The following SPOCK1 variants were observed in gnomAD, a reference collection of about 807,000 sequenced individuals.
SPOCK1 encodes the protein testican-1.
In SPOCK1, 23 loss-of-function variants were observed where a neutral mutation model predicts 55.3. The ratio of observed to expected loss-of-function variants is 0.42; its 90% CI spans 0.30 to 0.59. The LOEUF is 0.59. Ranked by LOEUF, SPOCK1 falls within the 20% of genes least tolerant of loss-of-function variation. The pLI is 0.22. For missense variants in SPOCK1, 499 were observed against 552.5 expected (o/e 0.90, Z 0.97); for synonymous variants, 226 against 221.0 (o/e 1.02, Z -0.20).
chr5:137,317,996 AT>A (rs1757912489), intron 2 of SPOCK1, among the ~76,000 whole-genome samples: 1 of 152,176 alleles, frequency 6.6e-6, no homozygotes, highest in African/African-American at 2.4e-5. Context: ...TAATTTGATT[AT>A]TTAAAAAGTC....
In SPOCK1 at chr5:137,419,024, G is replaced by T. The variant is rs551436442; in HGVS notation, c.186+79349C>A. On this transcript the variant is annotated intron_variant, in intron 2 of 10. Transcript: ENST00000394945. Reference sequence around the variant, plus strand: ...AGTTTCAGCTTTCTACATATGGCTAGCCAGTTTTCCCAGCACCATTTATTA... The same window carrying T: ...AGTTTCAGCTTTCTACATATGGCTATCCAGTTTTCCCAGCACCATTTATTA... 1.3e-3 allele frequency among the ~76,000 whole-genome samples: 201 copies of T among 152,268 alleles called. 3 individuals carry two copies. The highest frequency in any genetic ancestry group is 4.5e-3 in the African/African-American group (188 of 41,534).
At position 137,175,190 on chromosome 5, in the gene SPOCK1, G is replaced by A. The variant is rs947006112; in HGVS notation, c.233-34496C>T. On this transcript the variant is annotated intron_variant, in intron 3 of 10. Transcript: ENST00000394945. ...ACCTGCACCAGGCATGAAGCCTTGT[G>A]GAAAAGAGGGTGTTAGGAGTGGGCC... Among the ~76,000 whole-genome samples the A allele has an allele frequency of 2.6e-5, 4 of 152,260 alleles. No individual in the cohort carries two copies. In the South Asian group the frequency reaches 6.2e-4, roughly 24 times the overall value.
chr5:137,267,116 A>T, intron 2 of SPOCK1, 61 bp from the exon 3 acceptor site: 1 of 1,407,886 alleles, frequency 7.1e-7, no homozygotes, highest in Non-Finnish European at 1.0e-6. Flanking sequence ...ACATAACTGC[A>T]TAAAAACCTG....
intron 5 of SPOCK1, among the ~76,000 whole-genome samples, chr5:137,098,725 C>T (rs894743042): frequency 6.6e-6 from 1 of 152,230 alleles, no homozygotes; most frequent in Non-Finnish European, 1.5e-5. Context: ...CTTCCCTCAC[C>T]TGCACTGACC....
chr5:137,171,341 G>C (rs1402394356), intron 3 of SPOCK1, among the ~76,000 whole-genome samples: 1 of 152,116 alleles, frequency 6.6e-6, no homozygotes, highest in East Asian at 1.9e-4. Flanking sequence ...CTTGGGGACC[G>C]AAAGGGGATC....
chr5:137,125,429 T>G (rs1262312577), intron 4 of SPOCK1, among the ~76,000 whole-genome samples: 1 of 152,116 alleles, frequency 6.6e-6, no homozygotes, highest in Non-Finnish European at 1.5e-5. Flanking sequence ...AATCCATATA[T>G]CAAAATCTTA....
intron 3 of SPOCK1, among the ~76,000 whole-genome samples, chr5:137,265,705 T>C (rs1465786394): frequency 1.3e-5 from 2 of 152,294 alleles, no homozygotes; most frequent in East Asian, 3.9e-4. Flanking sequence ...ATAGTCCAGA[T>C]AGAGCCTCCA....
chr5:137,142,536 T>A (rs1465772335), intron 3 of SPOCK1, among the ~76,000 whole-genome samples: 1 of 151,622 alleles, frequency 6.6e-6, no homozygotes, highest in Admixed American at 6.6e-5. Flanking sequence ...CCTAGGGGAG[T>A]CACCTGGTAG....
intron 3 of SPOCK1, among the ~76,000 whole-genome samples, chr5:137,160,577 A>AAT (rs1196976476): frequency 3.4e-5 from 2 of 58,246 alleles, no homozygotes; most frequent in African/African-American, 1.3e-4. Flanking sequence ...TATATTATAT[A>AAT]ATATATATAA....
At chr5:137,298,121 T>C (rs750573849) in intron 2 of SPOCK1, among the ~76,000 whole-genome samples, 1 of 152,128 alleles carries the variant, frequency 6.6e-6, no homozygotes, top group Non-Finnish European at 1.5e-5. Context: ...AATAGTTGTA[T>C]GAAGATTACG....
chr5:137,473,383 CAT>C (rs1185144540), intron 2 of SPOCK1, among the ~76,000 whole-genome samples: 2 of 152,116 alleles, frequency 1.3e-5, no homozygotes, highest in Non-Finnish European at 2.9e-5. Context: ...CATGTATACA[CAT>C]GAGAGAGTAG....
chr5:137,122,257 G>GCACACACA (rs374324093), intron 4 of SPOCK1, among the ~76,000 whole-genome samples: 7 of 145,882 alleles, frequency 4.8e-5, no homozygotes, highest in Non-Finnish European at 7.4e-5. Flanking sequence ...ACACACACAC[G>GCACACACA]CACACACACA....
At chr5:137,033,766 A>G (rs1419212124) in intron 6 of SPOCK1, among the ~76,000 whole-genome samples, 1 of 151,898 alleles carries the variant, frequency 6.6e-6, no homozygotes, top group African/African-American at 2.4e-5. Context: ...ATTAATTTTC[A>G]TTTATTTTTT....
intron 6 of SPOCK1, among the ~76,000 whole-genome samples, chr5:137,051,131 G>C (rs1186396551): frequency 6.6e-6 from 1 of 152,178 alleles, no homozygotes; most frequent in Admixed American, 6.5e-5. Flanking sequence ...GGTGAAAAAT[G>C]AATTATTGAG....
intron 2 of SPOCK1, among the ~76,000 whole-genome samples, chr5:137,312,078 G>A (rs1324001889): frequency 2.0e-5 from 3 of 152,220 alleles, no homozygotes; most frequent in East Asian, 3.8e-4. Context: ...TGCTTGGCAC[G>A]TAGCTCCATT....
intron 3 of SPOCK1, among the ~76,000 whole-genome samples, chr5:137,197,569 A>G (rs932240853): frequency 1.3e-5 from 2 of 152,226 alleles, no homozygotes; most frequent in African/African-American, 4.8e-5. Context: ...AGTTTCCATT[A>G]GAAGAGAAAA....
intron 4 of SPOCK1, among the ~76,000 whole-genome samples, chr5:137,134,709 CTATGTG>C (rs779978934): frequency 2.8e-4 from 42 of 152,214 alleles, no homozygotes; most frequent in Non-Finnish European, 5.1e-4. Context: ...ACCTCGACAG[CTATGTG>C]TATGTGTAAT....
intron 3 of SPOCK1, among the ~76,000 whole-genome samples, chr5:137,188,602 C>T (rs1444996439): frequency 6.6e-6 from 1 of 152,152 alleles, no homozygotes; most frequent in Non-Finnish European, 1.5e-5. Context: ...GCTCCTCCCC[C>T]ATCTGTTTTC....
At chr5:137,433,344 GTT>G (rs1282280928) in intron 2 of SPOCK1, among the ~76,000 whole-genome samples, 12 of 152,156 alleles carry the variant, frequency 7.9e-5, no homozygotes, top group African/African-American at 2.9e-4. Flanking sequence ...ACAATAGCCA[GTT>G]CACTAGGCAG....
Sources: allele counts gnomAD v4.1 joint callset (sites outside exome capture counted in the v4.1 genomes callset), GRCh38; gene constraint gnomAD v4.1.1; transcripts MANE v1.5; gene names NCBI Gene and HGNC (gene_info 2026-07-23, HGNC 2026-07-21).